ITGA7: variants seen among roughly 807,000 people sequenced by gnomAD.
ITGA7 encodes the protein integrin subunit alpha 7, also known as integrin alpha-7.
In ITGA7, 84 loss-of-function variants were observed where a neutral mutation model predicts 131.6. That is an observed-to-expected ratio of 0.64 (90% confidence interval 0.54 to 0.77). ITGA7 has a LOEUF of 0.77. Ranked by LOEUF, ITGA7 falls within the 30% of genes least tolerant of loss-of-function variation. The probability of loss-of-function intolerance (pLI) is 0.00; values close to 1 mark genes in which losing one functional copy is unlikely to be tolerated. For missense variants in ITGA7, 1,399 were observed against 1,482.9 expected, an observed-to-expected ratio of 0.94 and a Z score of 0.93; for synonymous variants, 548 against 600.7, an observed-to-expected ratio of 0.91 and a Z score of 1.28.
At chr12:55,702,839 T>C in intron 3 of ITGA7, 33 bp downstream of exon 3, 1 of 1,533,580 alleles carries the variant, frequency 6.5e-7, no homozygotes, top group Non-Finnish European at 9.0e-7. Context: ...ACACACCCCA[T>C]CCGTGCATTC....
chr12:55,700,323 C>T (rs1565633999), intron 4 of ITGA7: 1 of 1,610,626 alleles, frequency 6.2e-7, no homozygotes, highest in Non-Finnish European at 8.5e-7. Context: ...CTCCCCCCGC[C>T]TCGTAGGGAC....
At chr12:55,714,379 G>C (rs1473313363), upstream of ITGA7, among the ~76,000 whole-genome samples, 4 of 151,572 alleles carry the variant, frequency 2.6e-5, no homozygotes, top group South Asian at 2.1e-4. Flanking sequence ...TTAGCCGGGC[G>C]TAGTGGCGGG....
chr12:55,695,607 C>T lies in ITGA7; in HGVS notation c.1918G>A (p.Asp640Asn), dbSNP rs751879922. ...IHFLKQGCGE[D>N]KICQSNLQLV... ...TGCAGATTGCTCTGGCAGATCTTGT[C>T]TTCACCACAGCCTTGCTTCAGGAAG... is the stretch of plus-strand genomic sequence containing the variant. Residue 640 changes from aspartate to asparagine, a missense_variant, in exon 14 of 25, where the codon GAC becomes AAC. Transcript: ENST00000257879. The T allele has an allele frequency of 2.3e-4, 367 of 1,613,778 alleles. No homozygotes were observed. Among genetic ancestry groups the T allele is most frequent in the Non-Finnish European group, 3.1e-4 (362 of 1,179,922 alleles).
In ITGA7 at chr12:55,692,935, G is replaced by A. The variant is rs1277584587; in HGVS notation, c.2753C>T (p.Pro918Leu). 6.2e-7 allele frequency: 1 copy of A among 1,613,894 alleles called. No individual in the cohort carries two copies. The highest frequency in any genetic ancestry group is 8.5e-7 in the Non-Finnish European group (1 of 1,180,020). ...CTCACCAGGCTCCTGCTGCTCAGGT[G>A]GCTCCAGCTCCCGCCGCCTCCTATC... ...SRDRRRRELE[P>L]PEQQEPGERQ... Residue 918 changes from proline to leucine, a missense_variant, in exon 21 of 25, where the codon CCA becomes CTA. Pro to Leu is a moderately conservative substitution (Grantham distance 98, BLOSUM62 -3). Transcript: ENST00000257879.
At chr12:55,692,063 G>A (rs1221477379) in intron 21 of ITGA7, among the ~76,000 whole-genome samples, 2 of 152,170 alleles carry the variant, frequency 1.3e-5, no homozygotes, top group African/African-American at 2.4e-5. Flanking sequence ...CTCAAAAGGG[G>A]TAAACTTAAT....
rs760064251 is a variant in ITGA7 at position 55,688,021 on chromosome 12, C to T, written c.3133G>A (p.Val1045Ile). 2.6e-5 allele frequency: 42 copies of T among 1,614,206 alleles called. No homozygotes were observed. In the South Asian group the frequency reaches 4.0e-4, roughly 15 times the overall value. ...GVPWWVILLA[V>I]LAGLLVLALL... ...GCTAGCACCAGCAGCCCAGCCAGTACAGCCAGGAGGATGACCCACCAGGGC... is the reference window on the plus strand; with the variant it reads ...GCTAGCACCAGCAGCCCAGCCAGTATAGCCAGGAGGATGACCCACCAGGGC... The change falls in exon 24 of 25, where the codon GTA (valine) becomes ATA (isoleucine). Residue 1045 changes from valine to isoleucine, a missense_variant. Transcript: ENST00000257879.
upstream of ITGA7, chr12:55,708,042 T>A: frequency 1.7e-6 from 2 of 1,143,996 alleles, no homozygotes; most frequent in Non-Finnish European, 2.2e-6. Context: ...AAACTAGCCT[T>A]GCTGACCCCC....
Position 55,685,026 on chromosome 12 carries a change from G to C in ITGA7, c.*32C>G. The C allele has an allele frequency of 1.3e-6, 2 of 1,519,324 alleles. No individual in the cohort carries two copies. The highest frequency in any genetic ancestry group is 1.8e-6 in the Non-Finnish European group (2 of 1,128,608). 94.1% of individuals were successfully genotyped at this position (1,519,324 alleles called of 1,614,324 possible). ...AGCCATCTCTGGGGAAGGGATGGAGGGCAGCCACAGGCCAGGCTGGGACAT... is the reference window on the plus strand; with the variant it reads ...AGCCATCTCTGGGGAAGGGATGGAGCGCAGCCACAGGCCAGGCTGGGACAT... On this transcript the variant is annotated 3_prime_UTR_variant, in exon 25 of 25. Coordinates refer to ENST00000257879, the MANE Select transcript of ITGA7 (RefSeq NM_002206.3).
At chr12:55,715,584 G>A (rs962677459), upstream of ITGA7, among the ~76,000 whole-genome samples, 2 of 152,202 alleles carry the variant, frequency 1.3e-5, no homozygotes, top group Admixed American at 6.5e-5. Context: ...CTCCCTAGGA[G>A]GCTGTCTGAA....
intron 1 of ITGA7, among the ~76,000 whole-genome samples, chr12:55,704,764 AC>A (rs908169911): frequency 6.6e-6 from 1 of 152,142 alleles, no homozygotes; most frequent in African/African-American, 2.4e-5. Context: ...TTGTCACTCC[AC>A]CCAGTGACTG....
At chr12:55,713,498 A>T (rs1876284852), upstream of ITGA7, among the ~76,000 whole-genome samples, 1 of 152,218 alleles carries the variant, frequency 6.6e-6, no homozygotes, top group African/African-American at 2.4e-5. Context: ...TAGCTCTACC[A>T]CTAATGAACT....
chr12:55,697,327 G>T (rs998622719), intron 10 of ITGA7, 50 bp from the exon 11 acceptor site: 2 of 1,579,126 alleles, frequency 1.3e-6, no homozygotes, highest in African/African-American at 2.7e-5. Context: ...ATGGGCCAAG[G>T]CCCCTACCCC....
rs763529029 is a variant in ITGA7, at chr12:55,696,441, A to T, written c.1738-9T>A. Reference sequence around the variant, plus strand: ...TTGTCTTTGACATTTTCCTAGGAAGAGGAAGGTCTATTCCTCACTGGAACA... The same window carrying T: ...TTGTCTTTGACATTTTCCTAGGAAGTGGAAGGTCTATTCCTCACTGGAACA... On this transcript the variant is annotated splice_polypyrimidine_tract_variant and intron_variant, in intron 12 of 24. Transcript: ENST00000257879. 5.7e-6 allele frequency: 9 copies of T among 1,592,702 alleles called. No individual in the cohort carries two copies. In the African/African-American group the frequency reaches 1.1e-4, roughly 19 times the overall value.
intron 10 of ITGA7, 55 bp from the exon 11 acceptor site, chr12:55,697,332 T>A: frequency 6.3e-7 from 1 of 1,576,258 alleles, no homozygotes; most frequent in Admixed American, 1.8e-5. Context: ...CCAAGGCCCC[T>A]ACCCCCACCC....
rs750784775 is a variant in ITGA7 at position 55,707,540 on chromosome 12, GGC to G, written c.141_142del (p.Glu47AspfsTer55). ...CACAGAGAAGCCGAAGAGGCTGCCT[GGC>G]TCGCCCTCCTTGCGCAAGGCACCCA... On this transcript the variant is annotated frameshift_variant, in exon 1 of 25. Transcript: ENST00000257879. LOFTEE classifies it high-confidence loss of function. 8 of 1,613,910 alleles carry G rather than the reference GGC, an allele frequency of 5.0e-6. No individual in the cohort carries two copies.
At chr12:55,692,352 T>C (rs1443414544) in intron 21 of ITGA7, among the ~76,000 whole-genome samples, 1 of 152,058 alleles carries the variant, frequency 6.6e-6, no homozygotes, top group Non-Finnish European at 1.5e-5. Flanking sequence ...GAGGCAGAGG[T>C]TGCAGTGAGC....
rs1228677393 is a variant in ITGA7 at position 55,707,496 on chromosome 12, G to A, written c.187C>T (p.Gln63Ter). Residue 63 changes from glutamine (Q) to a stop codon, truncating the protein, a stop_gained, in exon 1 of 25, where the codon CAG becomes TAG. Transcript: ENST00000257879. LOFTEE classifies it high-confidence loss of function. ...GFSVALHRQL[Q>*]PRPQSWLLVG... ...ACTCACCAGCTCTGGGGTCGGGGCT[G>A]CAACTGCCGGTGCAGGGCCACAGAG... 1 of 1,613,640 alleles carries A rather than the reference G, an allele frequency of 6.2e-7. No homozygotes were observed. The highest frequency in any genetic ancestry group is 8.5e-7 in the Non-Finnish European group (1 of 1,179,854).
intron 14 of ITGA7, chr12:55,695,227 A>G (rs970315619): frequency 5.0e-6 from 3 of 597,162 alleles, no homozygotes; most frequent in Non-Finnish European, 8.9e-6. Context: ...TCCATCTATA[A>G]AATGAGACTA....
rs143583891 is a variant in ITGA7 at position 55,699,877 on chromosome 12, G to A, written c.783C>T (p.Ser261=). ...PGPAGDLALN[S]YLGFSIDSGK... is the part of the protein sequence containing the mutation. Reference sequence around the variant, plus strand: ...AGGTGGGAGCTTACAAACCTAAGTAGCTATTGAGGGCCAAGTCTCCGGCTG... The same window carrying A: ...AGGTGGGAGCTTACAAACCTAAGTAACTATTGAGGGCCAAGTCTCCGGCTG... Residue 261 remains serine (S), a synonymous_variant, in exon 5 of 25, where the codon AGC becomes AGT. Transcript: ENST00000257879. The A allele has an allele frequency of 1.4e-5, 22 of 1,606,940 alleles. No homozygotes were observed. In the East Asian group the frequency reaches 2.0e-4, roughly 15 times the overall value.
Sources: gnomAD v4.1 joint callset for allele counts (sites outside exome capture counted in the v4.1 genomes callset) on GRCh38, gnomAD v4.1.1 for gene constraint, MANE v1.5 for transcripts, NCBI Gene and HGNC (gene_info 2026-07-23, HGNC 2026-07-21) for gene names.